The following OSTN variants were observed in gnomAD, a reference collection of about 807,000 sequenced individuals.
The protein encoded by OSTN is osteocrin.
OSTN carries 9 observed loss-of-function variants against 12.0 expected under a neutral mutation model. The ratio of observed to expected loss-of-function variants is 0.75; its 90% confidence interval spans 0.45 to 1.30. OSTN has a LOEUF of 1.30. Among genes scored for constraint, OSTN ranks in the 50% most tolerant of loss-of-function variants. The probability of loss-of-function intolerance (pLI) is 0.00; values close to 1 mark genes in which losing one functional copy is unlikely to be tolerated. For synonymous variants in OSTN, 59 were observed against 56.9 expected (o/e 1.04, Z -0.16); for missense variants, 148 against 152.3 (o/e 0.97, Z 0.15).
intron 3 of OSTN, among the ~76,000 whole-genome samples, chr3:191,231,604 G>C (rs998590339): frequency 1.3e-5 from 2 of 152,122 alleles, no homozygotes; most frequent in African/African-American, 4.8e-5. Context: ...TTATTTGTTA[G>C]TGTTATACGC....
chr3:191,248,241 G>A (rs1280078136), intron 3 of OSTN, among the ~76,000 whole-genome samples: 2 of 151,996 alleles, frequency 1.3e-5, no homozygotes, highest in Admixed American at 1.3e-4. Context: ...TACTATTTAC[G>A]TTAAATCATC....
At chr3:191,253,057 T>G (rs1233625846) in intron 4 of OSTN, among the ~76,000 whole-genome samples, 1 of 152,216 alleles carries the variant, frequency 6.6e-6, no homozygotes, top group Non-Finnish European at 1.5e-5. Flanking sequence ...GTCTTTGGAC[T>G]TATAGGCCAA....
At chr3:191,212,835 T>C (rs572233891) in intron 2 of OSTN, among the ~76,000 whole-genome samples, 4 of 147,092 alleles carry the variant, frequency 2.7e-5, no homozygotes, top group South Asian at 4.2e-4. Flanking sequence ...TACATATATA[T>C]TCTTTTGTAA....
intron 3 of OSTN, among the ~76,000 whole-genome samples, chr3:191,223,897 G>A (rs1714839024): frequency 6.6e-6 from 1 of 151,994 alleles, no homozygotes; most frequent in Non-Finnish European, 1.5e-5. Context: ...TTTCAGACTT[G>A]CTGATAAAGG....
intron 2 of OSTN, 36 bp downstream of exon 2, chr3:191,212,670 G>C: frequency 1.9e-6 from 2 of 1,053,380 alleles, no homozygotes; most frequent in Non-Finnish European, 2.7e-6. Flanking sequence ...AAATATACAT[G>C]TTTGACATGC....
In OSTN at chr3:191,241,167, C is replaced by CTTTTTTTTTTTTTTT. The variant is rs575332839; in HGVS notation, c.318-8855_318-8841dup. On this transcript the variant is annotated intron_variant, in intron 3 of 4. Transcript: ENST00000682035. ...AAGTTGGTGGAGCTCTGTGCCTTGA[C>CTTTTTTTTTTTTTTT]TTTTTTTTTTTTTTTTTTTTTTTTT... Among the ~76,000 whole-genome samples the CTTTTTTTTTTTTTTT allele has an allele frequency of 6.8e-3, 315 of 46,466 alleles. 130 individuals are homozygous for CTTTTTTTTTTTTTTT. Among genetic ancestry groups the CTTTTTTTTTTTTTTT allele is most frequent in the Non-Finnish European group, 0.012 (251 of 20,218 alleles). 30.5% of individuals were successfully genotyped at this position (46,466 alleles called of 152,430 possible).
chr3:191,255,900 A>AT (rs1491152408), intron 4 of OSTN, among the ~76,000 whole-genome samples: 2 of 152,036 alleles, frequency 1.3e-5, no homozygotes, highest in Admixed American at 6.5e-5. Flanking sequence ...AAATTTTGTG[A>AT]TTTTTACCTA....
chr3:191,207,058 C>T (rs1362961936), intron 1 of OSTN, among the ~76,000 whole-genome samples: 4 of 152,102 alleles, frequency 2.6e-5, no homozygotes, highest in Admixed American at 6.5e-5. Flanking sequence ...ACTAAGGCCC[C>T]TTTATAAAAT....
At chr3:191,230,737 C>T (rs974820943) in intron 3 of OSTN, among the ~76,000 whole-genome samples, 3 of 152,072 alleles carry the variant, frequency 2.0e-5, no homozygotes, top group Admixed American at 6.5e-5. Context: ...CCCTCTGGAA[C>T]GTGCAGTGCA....
At chr3:191,217,350 A>G (rs1560115571) in intron 2 of OSTN, among the ~76,000 whole-genome samples, 1 of 152,236 alleles carries the variant, frequency 6.6e-6, no homozygotes, top group Admixed American at 6.5e-5. Flanking sequence ...GAACACAGCC[A>G]AACCATATCA....
At position 191,260,747 on chromosome 3, in the gene OSTN, TAGTC is replaced by T. The variant is rs548531449; in HGVS notation, c.*13-2116_*13-2113del. On this transcript the variant is annotated intron_variant, in intron 4 of 4. Coordinates refer to ENST00000682035, the MANE Select transcript of OSTN (RefSeq NM_198184.2). ...GAGACCAGGAAAGACTGCTCCCACTTAGTCAGATGTCAAGCTCTCCAGGACATAA... is the reference window on the plus strand; with the variant it reads ...GAGACCAGGAAAGACTGCTCCCACTTAGATGTCAAGCTCTCCAGGACATAA... 1.2e-3 allele frequency among the ~76,000 whole-genome samples: 177 copies of T among 152,270 alleles called. 1 individual carries two copies. The South Asian group carries it at 0.013, about 12-fold the overall frequency.
intron 3 of OSTN, among the ~76,000 whole-genome samples, chr3:191,244,192 G>C (rs1460222494): frequency 6.6e-6 from 1 of 151,864 alleles, no homozygotes; most frequent in Non-Finnish European, 1.5e-5. Context: ...GCTGTTTTTT[G>C]GAATGTAAAA....
intron 3 of OSTN, among the ~76,000 whole-genome samples, chr3:191,222,121 G>T (rs1714780838): frequency 6.6e-6 from 1 of 152,260 alleles, no homozygotes; most frequent in African/African-American, 2.4e-5. Flanking sequence ...TGGATGCCCA[G>T]GCAGATGTTT....
intron 3 of OSTN, among the ~76,000 whole-genome samples, chr3:191,247,343 A>C (rs1473976496): frequency 6.6e-6 from 1 of 152,232 alleles, no homozygotes; most frequent in African/African-American, 2.4e-5. Flanking sequence ...AGAAATGTAG[A>C]AGTGCAAACA....
intron 3 of OSTN, among the ~76,000 whole-genome samples, chr3:191,224,788 T>C (rs1368567448): frequency 1.3e-5 from 2 of 152,126 alleles, no homozygotes; most frequent in Non-Finnish European, 2.9e-5. Flanking sequence ...CATTTTTATT[T>C]TGTATTCTTA....
intron 3 of OSTN, among the ~76,000 whole-genome samples, chr3:191,245,480 T>G (rs532022803): frequency 2.6e-5 from 4 of 152,078 alleles, no homozygotes; most frequent in African/African-American, 9.7e-5. Context: ...AGTAAGTAAA[T>G]CAAGTAGAAC....
At position 191,232,506 on chromosome 3, in the gene OSTN, C is replaced by CTATA. The variant is rs150235705; in HGVS notation, c.317+13558_317+13561dup. On this transcript the variant is annotated intron_variant, in intron 3 of 4. Coordinates refer to ENST00000682035, the MANE Select transcript of OSTN (RefSeq NM_198184.2). ...TTTTTCTATATTCATAAAGTAAATG[C>CTATA]TATATATATATATATAAAATTATGT... 3.9e-3 allele frequency among the ~76,000 whole-genome samples: 578 copies of CTATA among 146,330 alleles called. 7 individuals are homozygous for CTATA. The highest frequency in any genetic ancestry group is 0.019 in the Admixed American group (272 of 14,630).
At chr3:191,225,487 G>C (rs995519311) in intron 3 of OSTN, among the ~76,000 whole-genome samples, 3 of 151,746 alleles carry the variant, frequency 2.0e-5, no homozygotes, top group Non-Finnish European at 4.4e-5. Flanking sequence ...GTGTCATATT[G>C]ACTCCCAAAT....
At chr3:191,230,761 G>A (rs933639264) in intron 3 of OSTN, among the ~76,000 whole-genome samples, 1 of 152,034 alleles carries the variant, frequency 6.6e-6, no homozygotes, top group African/African-American at 2.4e-5. Context: ...CCCATATAAC[G>A]TTAATCAACA....
Sources: gnomAD v4.1 joint callset for allele counts (sites outside exome capture counted in the v4.1 genomes callset) on GRCh38, gnomAD v4.1.1 for gene constraint, MANE v1.5 for transcripts, NCBI Gene and HGNC (gene_info 2026-07-23, HGNC 2026-07-21) for gene names.